The following LRRC28 variants were observed in gnomAD, a reference collection of about 807,000 sequenced individuals.
LRRC28 encodes leucine-rich repeat-containing protein 28.
LRRC28 carries 39 observed loss-of-function variants against 45.7 expected under a neutral mutation model. The ratio of observed to expected loss-of-function variants is 0.85; its 90% confidence interval spans 0.66 to 1.12. LRRC28 has a LOEUF of 1.12. Among genes scored for constraint, LRRC28 ranks in the 50% most tolerant of loss-of-function variants. The pLI, the probability that LRRC28 is intolerant of heterozygous loss-of-function variation, is 0.00. For synonymous variants in LRRC28, 206 were observed against 178.8 expected (o/e 1.15, Z -1.22); for missense variants, 435 against 438.5 (o/e 0.99, Z 0.07).
chr15:99,253,635 A>G (rs1279940485), intron 1 of LRRC28, among the ~76,000 whole-genome samples: 1 of 152,208 alleles, frequency 6.6e-6, no homozygotes, highest in African/African-American at 2.4e-5. Context: ...TTTCTAAGTA[A>G]GAAGTTTCTG....
At chr15:99,287,345 G>T in intron 4 of LRRC28, 51 bp downstream of exon 4, 1 of 1,352,988 alleles carries the variant, frequency 7.4e-7, no homozygotes, top group South Asian at 1.5e-5. Flanking sequence ...TTTAAGCTTT[G>T]CTTTATAAAT....
At chr15:99,268,541 G>T (rs2081390476) in intron 2 of LRRC28, among the ~76,000 whole-genome samples, 1 of 152,124 alleles carries the variant, frequency 6.6e-6, no homozygotes, top group African/African-American at 2.4e-5. Flanking sequence ...ACTTTAATGA[G>T]GCACCTGTGT....
chr15:99,256,224 C>T (rs2081017063), intron 2 of LRRC28, 99 bp downstream of exon 2: 1 of 879,322 alleles, frequency 1.1e-6, no homozygotes, highest in East Asian at 2.8e-5. Context: ...AGACTTATAT[C>T]CCCTGTTGTT....
rs1345119894 is a variant in LRRC28, at chr15:99,301,350, A to C, written c.385+13399A>C. ...ATCAGAGTTACTAATAATTTTATCT[A>C]TTCTGTACTTCTTAATTTTTTCCTA... On this transcript the variant is annotated intron_variant, in intron 5 of 9. Coordinates refer to ENST00000301981, the MANE Select transcript of LRRC28 (RefSeq NM_144598.5). Among the ~76,000 whole-genome samples the C allele has an allele frequency of 3.2e-4, 48 of 152,176 alleles. 2 individuals are homozygous for C. Among genetic ancestry groups the C allele is most frequent in the Admixed American group, 3.1e-3 (48 of 15,278 alleles).
intron 5 of LRRC28, among the ~76,000 whole-genome samples, chr15:99,298,129 T>C (rs2082312739): frequency 6.6e-6 from 1 of 152,148 alleles, no homozygotes; most frequent in Non-Finnish European, 1.5e-5. Context: ...TTACTGCACG[T>C]TGAGCTCCTT....
chr15:99,295,630 C>T (rs1255764261), intron 5 of LRRC28, among the ~76,000 whole-genome samples: 1 of 152,160 alleles, frequency 6.6e-6, no homozygotes, highest in Non-Finnish European at 1.5e-5. Flanking sequence ...CAAAAAGTAA[C>T]CAGCAGTCAG....
chr15:99,323,606 T>A (rs1196777223), intron 5 of LRRC28, among the ~76,000 whole-genome samples: 1 of 152,218 alleles, frequency 6.6e-6, no homozygotes, highest in African/African-American at 2.4e-5. Flanking sequence ...TATCTCCCAA[T>A]AAAGAGCCCT....
intron 5 of LRRC28, chr15:99,326,468 G>A (rs1421636928): frequency 6.6e-6 from 1 of 152,244 alleles, no homozygotes; most frequent in African/African-American, 2.4e-5. Context: ...GCAAGCAAGA[G>A]CCAAGTAAAC....
At chr15:99,373,121 A>T (rs1434287692) in intron 9 of LRRC28, among the ~76,000 whole-genome samples, 1 of 152,160 alleles carries the variant, frequency 6.6e-6, no homozygotes, top group Non-Finnish European at 1.5e-5. Context: ...GGACGCAGCT[A>T]AACCATATGA....
intron 9 of LRRC28, among the ~76,000 whole-genome samples, chr15:99,370,672 T>G (rs752632658): frequency 6.6e-6 from 1 of 152,238 alleles, no homozygotes; most frequent in Non-Finnish European, 1.5e-5. Flanking sequence ...AAGATTGTTA[T>G]GGCAAATTTT....
intron 8 of LRRC28, 130 bp downstream of exon 8, chr15:99,361,641 C>T: frequency 1.2e-6 from 1 of 834,142 alleles, no homozygotes; most frequent in Non-Finnish European, 1.8e-6. Context: ...CGAAAGTAAC[C>T]ATTTTATCCA....
At chr15:99,369,255 C>G (rs1275230643) in intron 9 of LRRC28, among the ~76,000 whole-genome samples, 1 of 152,138 alleles carries the variant, frequency 6.6e-6, no homozygotes, top group Non-Finnish European at 1.5e-5. Flanking sequence ...AATCTCTTTT[C>G]TATCACTCAC....
chr15:99,339,873 C>T (rs1421069079), intron 6 of LRRC28, among the ~76,000 whole-genome samples: 4 of 152,176 alleles, frequency 2.6e-5, no homozygotes, highest in African/African-American at 7.2e-5. Context: ...TCTAAACCAG[C>T]CCCAGAATTA....
intron 6 of LRRC28, chr15:99,338,160 T>C (rs2152299612): frequency 6.6e-6 from 1 of 152,260 alleles, no homozygotes; most frequent in South Asian, 2.1e-4. Flanking sequence ...CTGACCAAAA[T>C]AGCCACAGTC....
rs1957987832 is a variant in LRRC28, at chr15:99,386,276, T to C, written c.*174T>C. ...TTCACCCTTCCCCCAAGTTGGAATA[T>C]ATCCTCCCCCAAATTAAGGACCCAT... On this transcript the variant is annotated 3_prime_UTR_variant, in exon 10 of 10. Transcript: ENST00000301981. 7.1e-6 allele frequency: 4 copies of C among 566,076 alleles called. No individual in the cohort carries two copies. Among genetic ancestry groups the C allele is most frequent in the Non-Finnish European group, 1.3e-5 (4 of 317,850 alleles). 35.1% of individuals were successfully genotyped at this position (566,076 alleles called of 1,614,324 possible). A position where few individuals can be genotyped will look rare whatever the true frequency, so the allele number is the denominator to read the frequency against.
intron 2 of LRRC28, among the ~76,000 whole-genome samples, chr15:99,265,396 T>A (rs1176873161): frequency 6.6e-6 from 1 of 152,146 alleles, no homozygotes; most frequent in East Asian, 1.9e-4. Flanking sequence ...AAAGTACCCA[T>A]TGATGTTGAC....
At chr15:99,352,227 A>G in intron 6 of LRRC28, 142 bp from the exon 7 acceptor site, 1 of 632,320 alleles carries the variant, frequency 1.6e-6, no homozygotes, top group Non-Finnish European at 2.6e-6. Flanking sequence ...CTGACCCATA[A>G]CTTACTTTAT....
Position 99,287,796 on chromosome 15 carries a change from C to G in LRRC28, c.248-18C>G. Reference sequence around the variant, plus strand: ...ACTTGAGTCAAATTCATTTTGCCTTCTCCTTTTCTCTTTGAAGCCATTGGG... The same window carrying G: ...ACTTGAGTCAAATTCATTTTGCCTTGTCCTTTTCTCTTTGAAGCCATTGGG... On this transcript the variant is annotated intron_variant, in intron 4 of 9. Transcript: ENST00000301981. 1 of 1,584,490 alleles carries G rather than the reference C, an allele frequency of 6.3e-7. No homozygotes were observed. Among genetic ancestry groups the G allele is most frequent in the Non-Finnish European group, 8.6e-7 (1 of 1,165,278 alleles).
chr15:99,311,066 T>C (rs1282785983), intron 5 of LRRC28, among the ~76,000 whole-genome samples: 1 of 152,112 alleles, frequency 6.6e-6, no homozygotes, highest in Non-Finnish European at 1.5e-5. Context: ...TCTGCACACA[T>C]GCCATTTCAC....
Sources: allele counts gnomAD v4.1 joint callset (sites outside exome capture counted in the v4.1 genomes callset), GRCh38; gene constraint gnomAD v4.1.1; transcripts MANE v1.5; gene names NCBI Gene and HGNC (gene_info 2026-07-23, HGNC 2026-07-21).